Variants in KCNH1 observed in about 807,000 individuals in gnomAD.
The protein encoded by KCNH1 is potassium voltage-gated channel subfamily H member 1.
KCNH1 carries 27 observed loss-of-function variants against 69.2 expected under a neutral mutation model. The ratio of observed to expected loss-of-function variants is 0.39; its 90% CI spans 0.29 to 0.54. KCNH1 has a LOEUF of 0.54. KCNH1 is among the 20% of genes least tolerant of loss of function. KCNH1 has a pLI of 0.68. For synonymous variants in KCNH1, 456 were observed against 487.7 expected (o/e 0.93, Z 0.86); for missense variants, 798 against 1,261.6 (o/e 0.63, Z 5.57).
At chr1:210,819,145 T>C (rs754168233) in intron 7 of KCNH1, among the ~76,000 whole-genome samples, 1 of 151,924 alleles carries the variant, frequency 6.6e-6, no homozygotes, top group Non-Finnish European at 1.5e-5. Flanking sequence ...TACTAATGAT[T>C]TAAAAAAAAA....
chr1:210,940,624 T>C (rs1331841464), intron 6 of KCNH1, among the ~76,000 whole-genome samples: 3 of 152,228 alleles, frequency 2.0e-5, no homozygotes, highest in African/African-American at 7.2e-5. Context: ...CCTTTCTGTT[T>C]ATAATTCAAA....
At chr1:210,972,913 C>G (rs949638961) in intron 6 of KCNH1, among the ~76,000 whole-genome samples, 5 of 138,058 alleles carry the variant, frequency 3.6e-5, no homozygotes, top group African/African-American at 1.3e-4. Context: ...CTTCCATTCA[C>G]TACCAAACGT....
intron 6 of KCNH1, among the ~76,000 whole-genome samples, chr1:210,958,413 C>A (rs1688223682): frequency 6.6e-6 from 1 of 152,138 alleles, no homozygotes; most frequent in Non-Finnish European, 1.5e-5. Context: ...CAAAAAGTAT[C>A]TTTGTGGGGT....
chr1:210,784,685 T>C (rs1292330425), intron 9 of KCNH1, among the ~76,000 whole-genome samples: 1 of 151,508 alleles, frequency 6.6e-6, no homozygotes, highest in Non-Finnish European at 1.5e-5. Flanking sequence ...ATCTCAGAGA[T>C]ATTCAAGAAA....
chr1:210,856,821 T>TAA (rs1362430593), intron 7 of KCNH1, among the ~76,000 whole-genome samples: 1 of 131,112 alleles, frequency 7.6e-6, no homozygotes, highest in Non-Finnish European at 1.6e-5. Context: ...ATTATATATA[T>TAA]TTTATATATA....
chr1:210,869,640 GTTAAC>G (rs1371063021), intron 7 of KCNH1, among the ~76,000 whole-genome samples: 1 of 151,856 alleles, frequency 6.6e-6, no homozygotes, highest in Admixed American at 6.6e-5. Context: ...CTTACTGGCA[GTTAAC>G]TTAATTACAT....
At chr1:210,816,794 T>G (rs555162235) in intron 7 of KCNH1, among the ~76,000 whole-genome samples, 2 of 152,362 alleles carry the variant, frequency 1.3e-5, no homozygotes, top group East Asian at 1.9e-4. Flanking sequence ...TTTCCAATAG[T>G]AGTTACAGCT....
chr1:211,112,206 G>T (rs946108280), intron 1 of KCNH1, among the ~76,000 whole-genome samples: 50 of 147,614 alleles, frequency 3.4e-4, no homozygotes, highest in Middle Eastern at 4.0e-3. Context: ...CCTCCGCCCC[G>T]TCTGGGAAGT....
intron 5 of KCNH1, among the ~76,000 whole-genome samples, chr1:211,026,523 C>T (rs1378165186): frequency 2.0e-5 from 3 of 152,090 alleles, no homozygotes; most frequent in Non-Finnish European, 2.9e-5. Context: ...AATTTTGTGC[C>T]CCCACCCCGC....
chr1:210,865,628 C>T lies in KCNH1; in HGVS notation c.1462+54012G>A, dbSNP rs58324868. Among the ~76,000 whole-genome samples, 882 of 152,258 alleles carry T rather than the reference C, an allele frequency of 5.8e-3. 9 individuals carry two copies. The highest frequency in any genetic ancestry group is 0.02 in the African/African-American group (829 of 41,544). Reference sequence around the variant, plus strand: ...GTGTTATTTCTTTTGCTAATAAATGCATTTTATGTAAGGAAAGACTTTGAA... The same window carrying T: ...GTGTTATTTCTTTTGCTAATAAATGTATTTTATGTAAGGAAAGACTTTGAA... On this transcript the variant is annotated intron_variant, in intron 7 of 10. Transcript: ENST00000271751.
At position 210,679,050 on chromosome 1, in the gene KCNH1, G is replaced by A. The variant is rs1326136240; in HGVS notation, c.*4231C>T. On this transcript the variant is annotated 3_prime_UTR_variant, in exon 11 of 11. Transcript: ENST00000271751. Reference sequence around the variant, plus strand: ...CACATTGATTCTTTTGAGCTGTAGGGGGTAGAAATTAAAACTTCTCAACAT... The same window carrying A: ...CACATTGATTCTTTTGAGCTGTAGGAGGTAGAAATTAAAACTTCTCAACAT... 6.6e-6 allele frequency: 1 copy of A among 152,210 alleles called. No individual in the cohort carries two copies. The highest frequency in any genetic ancestry group is 1.5e-5 in the Non-Finnish European group (1 of 68,046). 9.4% of individuals were successfully genotyped at this position (152,210 alleles called of 1,614,324 possible).
At chr1:210,902,593 T>C (rs888276138) in intron 7 of KCNH1, among the ~76,000 whole-genome samples, 15 of 152,214 alleles carry the variant, frequency 9.9e-5, no homozygotes, top group African/African-American at 3.6e-4. Context: ...AGACCCGCCA[T>C]ATGGCTGAAA....
At chr1:210,856,663 C>T (rs1021469457) in intron 7 of KCNH1, among the ~76,000 whole-genome samples, 2 of 150,792 alleles carry the variant, frequency 1.3e-5, no homozygotes, top group African/African-American at 2.4e-5. Context: ...AGTACCCCCT[C>T]ATCCCTGCCC....
intron 5 of KCNH1, among the ~76,000 whole-genome samples, chr1:211,037,996 G>A (rs1025751426): frequency 4.1e-5 from 5 of 122,368 alleles, no homozygotes; most frequent in Non-Finnish European, 6.4e-5. Context: ...GTCTCACACT[G>A]TTGCCCAGGC....
In KCNH1 at chr1:210,757,382, T is replaced by C. The variant is rs531847547; in HGVS notation, c.2112+17966A>G. ...TTCTAGTCAGGTAAATTCCTACCCC[T>C]CTATCAAGATCCAGCTCAAGAGTTA... On this transcript the variant is annotated intron_variant, in intron 10 of 10. Coordinates refer to ENST00000271751, the MANE Select transcript of KCNH1 (RefSeq NM_172362.3). 1.7e-4 allele frequency among the ~76,000 whole-genome samples: 26 copies of C among 152,308 alleles called. No individual in the cohort carries two copies. In the South Asian group the frequency reaches 2.9e-3, roughly 17 times the overall value.
intron 9 of KCNH1, among the ~76,000 whole-genome samples, chr1:210,788,108 A>G (rs765503161): frequency 4.6e-5 from 7 of 152,250 alleles, no homozygotes; most frequent in Admixed American, 2.6e-4. Flanking sequence ...CAAGATTGCT[A>G]TGGATGAGAA....
At chr1:211,103,728 A>T (rs1446520088) in intron 2 of KCNH1, 126 bp from the exon 3 acceptor site, 2 of 604,020 alleles carry the variant, frequency 3.3e-6, no homozygotes, top group African/African-American at 3.8e-5. Context: ...ACACAATGAA[A>T]ACAATCACTG....
intron 10 of KCNH1, among the ~76,000 whole-genome samples, chr1:210,741,446 G>C (rs1045426690): frequency 6.6e-5 from 10 of 152,100 alleles, no homozygotes; most frequent in African/African-American, 2.4e-4. Context: ...ATATGGGTGG[G>C]GAGGCGAAAG....
At chr1:210,737,383 G>A (rs1682905480) in intron 10 of KCNH1, among the ~76,000 whole-genome samples, 1 of 152,160 alleles carries the variant, frequency 6.6e-6, no homozygotes. Context: ...TATCTTACCT[G>A]TTGGCATTTA....
Sources: allele counts gnomAD v4.1 joint callset (sites outside exome capture counted in the v4.1 genomes callset), GRCh38; gene constraint gnomAD v4.1.1; transcripts MANE v1.5; gene names NCBI Gene and HGNC (gene_info 2026-07-23, HGNC 2026-07-21).